The following ARSG variants were observed in gnomAD, a reference collection of about 807,000 sequenced individuals.
The protein encoded by ARSG is arylsulfatase G.
A neutral mutation model predicts 50.5 loss-of-function variants in ARSG; 37 were observed. The observed-to-expected ratio is 0.73, with a 90% CI of 0.56 to 0.96. The LOEUF (loss-of-function observed/expected upper bound fraction) is 0.96, where lower values mean the gene tolerates loss of function less well. Ranked by LOEUF, ARSG falls within the 50% of genes least tolerant of loss-of-function variation. The pLI, the probability that ARSG is intolerant of heterozygous loss-of-function variation, is 0.00. For missense variants in ARSG, 629 were observed against 675.3 expected, an observed-to-expected ratio of 0.93 and a Z score of 0.76; for synonymous variants, 225 against 254.6, an observed-to-expected ratio of 0.88 and a Z score of 1.11.
At chr17:68,373,904 T>C (rs1306203748) in intron 8 of ARSG, among the ~76,000 whole-genome samples, 1 of 151,792 alleles carries the variant, frequency 6.6e-6, no homozygotes, top group Non-Finnish European at 1.5e-5. Flanking sequence ...ACACCTGTAA[T>C]CCCAGCACTT....
chr17:68,428,854 C>G, the ARSG span: 1 of 1,614,060 alleles, frequency 6.2e-7, no homozygotes, highest in Non-Finnish European at 8.5e-7. Flanking sequence ...AAGACACACT[C>G]TCCTCCATCC....
chr17:68,333,771 G>C (rs1449099367), intron 2 of ARSG, among the ~76,000 whole-genome samples: 1 of 152,090 alleles, frequency 6.6e-6, no homozygotes, highest in Non-Finnish European at 1.5e-5. Flanking sequence ...GAAAAAGCTG[G>C]GTAGAGATGA....
chr17:68,269,361 G>A (rs1555747693), intron 1 of ARSG: 1 of 1,080,558 alleles, frequency 9.3e-7, no homozygotes. Flanking sequence ...AAGAGAGCAT[G>A]GCGTCCGTTA....
At chr17:68,401,254 C>A (rs1294877134) in intron 10 of ARSG, 106 bp from the exon 11 acceptor site, 4 of 977,652 alleles carry the variant, frequency 4.1e-6, no homozygotes, top group Non-Finnish European at 3.2e-6. Flanking sequence ...AACTCCTGGG[C>A]TCAAGTGATC....
chr17:68,279,366 T>A (rs1555752040), intron 1 of ARSG, among the ~76,000 whole-genome samples: 1 of 152,144 alleles, frequency 6.6e-6, no homozygotes, highest in East Asian at 1.9e-4. Context: ...ATTCTGATTA[T>A]GATTTGGTGT....
At chr17:68,425,515 C>T (rs888974031), downstream of ARSG, among the ~76,000 whole-genome samples, 1 of 151,820 alleles carries the variant, frequency 6.6e-6, no homozygotes, top group African/African-American at 2.4e-5. Context: ...GCCACCGCAC[C>T]CGGCCACTTG....
chr17:68,383,428 A>G (rs535857835), intron 8 of ARSG, among the ~76,000 whole-genome samples: 1 of 152,204 alleles, frequency 6.6e-6, no homozygotes, highest in Non-Finnish European at 1.5e-5. Flanking sequence ...TCCTGGAACC[A>G]CAGCCGTGAT....
upstream of ARSG, among the ~76,000 whole-genome samples, chr17:68,289,158 C>A (rs148452210): frequency 1.9e-3 from 283 of 152,122 alleles, 2 homozygotes; most frequent in African/African-American, 6.5e-3. Flanking sequence ...CCAACCCGGG[C>A]AACATAGTGA....
chr17:68,269,673 G>GTTTTTTTTTTTTTTTTT lies in ARSG; in HGVS notation c.-552+10249_-552+10265dup, dbSNP rs782421181. 2.6e-5 allele frequency among the ~76,000 whole-genome samples: 2 copies of GTTTTTTTTTTTTTTTTT among 77,912 alleles called. 1 individual carries two copies. The highest frequency in any genetic ancestry group is 4.3e-5 in the Non-Finnish European group (2 of 46,102). The allele number at this position is 77,912 out of a possible 152,430, so 51.1% of individuals were successfully genotyped here. ...TTATTTTCACTTGAGTTCACTTTAG[G>GTTTTTTTTTTTTTTTTT]TTTTTTTTTTTTTTTTTTAGACAGA... On this transcript the variant is annotated intron_variant, in intron 1 of 11. Coordinates refer to the ARSG transcript ENST00000448504.
chr17:68,390,036 G>A (rs928961054), intron 9 of ARSG, among the ~76,000 whole-genome samples: 1 of 152,062 alleles, frequency 6.6e-6, no homozygotes, highest in African/African-American at 2.4e-5. Flanking sequence ...CACCCAGGCT[G>A]GAGTGCAATG....
chr17:68,372,586 TGA>T (rs2079902837), intron 8 of ARSG, among the ~76,000 whole-genome samples: 1 of 152,148 alleles, frequency 6.6e-6, no homozygotes, highest in African/African-American at 2.4e-5. Context: ...CTCACCATCA[TGA>T]GAACAGCAAA....
intron 5 of ARSG, among the ~76,000 whole-genome samples, chr17:68,353,678 T>C (rs2078902585): frequency 6.6e-6 from 1 of 152,190 alleles, no homozygotes. Context: ...TCAGCCAATC[T>C]CTTTTTAAAA....
At chr17:68,420,970 A>G (rs956395132), downstream of ARSG, 1 of 157,234 alleles carries the variant, frequency 6.4e-6, no homozygotes, top group African/African-American at 2.4e-5. Flanking sequence ...CAGTGTACTC[A>G]CTGGTCTCCA....
Position 68,378,706 on chromosome 17 carries a change from C to A in ARSG, c.983-6358C>A, listed in dbSNP as rs1003041076. 2.0e-5 allele frequency among the ~76,000 whole-genome samples: 3 copies of A among 152,194 alleles called. No homozygotes were observed. Among genetic ancestry groups the A allele is most frequent in the Non-Finnish European group, 4.4e-5 (3 of 68,042 alleles). On this transcript the variant is annotated intron_variant, in intron 8 of 11. Transcript: ENST00000621439. This position sits in a 1 kb window ranked among gnomAD's most constrained non-coding sequence, Gnocchi z 4.4. ...GGACAGAACCAACACCTTGTTTTTC[C>A]CCTAACTGACTGCTCCTCTGTCTGG...
intron 1 of ARSG, chr17:68,269,051 A>G: frequency 6.3e-7 from 1 of 1,589,850 alleles, no homozygotes; most frequent in Non-Finnish European, 8.6e-7. Context: ...GGCCCACCCC[A>G]TCCCTCTCCA....
chr17:68,409,735 T>C (rs1237266060), intron 11 of ARSG, among the ~76,000 whole-genome samples: 1 of 150,736 alleles, frequency 6.6e-6, no homozygotes, highest in Non-Finnish European at 1.5e-5. Flanking sequence ...TTCACGATAT[T>C]GATTCTTCCT....
chr17:68,308,051 C>T (rs1555765100), intron 2 of ARSG, among the ~76,000 whole-genome samples: 1 of 152,132 alleles, frequency 6.6e-6, no homozygotes, highest in Non-Finnish European at 1.5e-5. Flanking sequence ...TGGCTGTAAT[C>T]CCAATGCTTT....
chr17:68,306,241 A>G (rs1599645487), intron 1 of ARSG, among the ~76,000 whole-genome samples: 1 of 151,902 alleles, frequency 6.6e-6, no homozygotes, highest in African/African-American at 2.4e-5. Context: ...ACCTCAGGTG[A>G]TCCGCCCGCC....
At chr17:68,437,690 A>G in the ARSG span, among the ~76,000 whole-genome samples, 3 of 152,206 alleles carry the variant, frequency 2.0e-5, no homozygotes, top group African/African-American at 7.2e-5. Context: ...CATTGAGACA[A>G]ACTAAATAAA....
Sources: allele counts gnomAD v4.1 joint callset (sites outside exome capture counted in the v4.1 genomes callset), GRCh38; gene constraint gnomAD v4.1.1; non-coding constraint Gnocchi (gnomAD v3.1); transcripts MANE v1.5; gene names NCBI Gene and HGNC (gene_info 2026-07-23, HGNC 2026-07-21).